Variants in ESCO1 observed in about 807,000 individuals in gnomAD.
ESCO1 encodes establishment of sister chromatid cohesion N-acetyltransferase 1.
ESCO1 carries 33 observed loss-of-function variants against 83.5 expected under a neutral mutation model. The ratio of observed to expected loss-of-function variants is 0.40; its 90% CI spans 0.30 to 0.53. The LOEUF (loss-of-function observed/expected upper bound fraction) is 0.53, where lower values mean the gene tolerates loss of function less well. ESCO1 is among the 20% of genes least tolerant of loss of function. The pLI is 0.63. For missense variants in ESCO1, 855 were observed against 968.0 expected (o/e 0.88, Z 1.55); for synonymous variants, 332 against 324.3 (o/e 1.02, Z -0.25).
chr18:21,579,691 G>T (rs2082076954), intron 2 of ESCO1, among the ~76,000 whole-genome samples: 1 of 150,420 alleles, frequency 6.6e-6, no homozygotes, highest in African/African-American at 2.4e-5. Flanking sequence ...AGAATTGCTT[G>T]AACCAAGGAG....
intron 1 of ESCO1, among the ~76,000 whole-genome samples, chr18:21,588,579 C>T (rs1468077173): frequency 1.3e-5 from 2 of 152,004 alleles, no homozygotes; most frequent in South Asian, 2.1e-4. Flanking sequence ...ACAGATTATA[C>T]AATATGTATA....
At position 21,574,305 on chromosome 18, in the gene ESCO1, A is replaced by C. The variant is rs774652361; in HGVS notation, c.539T>G (p.Leu180Arg). The C allele has an allele frequency of 3.7e-6, 6 of 1,613,638 alleles. No individual in the cohort carries two copies. The change falls in exon 4 of 12, where the codon CTG becomes CGG. Residue 180 changes from leucine (L) to arginine (R), a missense_variant. Leu to Arg is a moderately radical substitution (Grantham distance 102). This residue lies in a region of ESCO1 where 726 missense variants were observed against 699.5 expected (regional missense o/e 1.04). Transcript: ENST00000269214. ...TTCTTTAGAGTCAGACTTTACTTCC[A>C]GTACTTTTCTCTTCACATGTTTTTG... ...TSQKHVKRKVLEVKSDSKEDE... is the reference protein window; with the variant it reads ...TSQKHVKRKVREVKSDSKEDE...
intron 10 of ESCO1, among the ~76,000 whole-genome samples, chr18:21,534,898 A>G (rs779052453): frequency 1.3e-5 from 2 of 152,106 alleles, no homozygotes; most frequent in Non-Finnish European, 2.9e-5. Context: ...TGCTGGGATT[A>G]CAGGTCTGAG....
At position 21,574,874 on chromosome 18, in the gene ESCO1, TTTTG is replaced by T; in HGVS notation, c.-35_-32del. 1 of 1,523,458 alleles carries T rather than the reference TTTTG, an allele frequency of 6.6e-7. No homozygotes were observed. Among genetic ancestry groups the T allele is most frequent in the Non-Finnish European group, 8.7e-7 (1 of 1,146,816 alleles). The allele number at this position is 1,523,458 out of a possible 1,614,324, so 94.4% of individuals were successfully genotyped here. A position where few individuals can be genotyped will look rare whatever the true frequency, so the allele number is the denominator to read the frequency against. On this transcript the variant is annotated 5_prime_UTR_variant, in exon 4 of 12. Coordinates refer to ENST00000269214, the MANE Select transcript of ESCO1 (RefSeq NM_052911.3). ...AGTAATGACTTTCTTTTCTGAGTAG[TTTTG>T]AAGAGGATTTTTGTGTCCTGGTAGG...
At chr18:21,557,524 G>A (rs1345308112) in intron 8 of ESCO1, among the ~76,000 whole-genome samples, 1 of 152,138 alleles carries the variant, frequency 6.6e-6, no homozygotes, top group Non-Finnish European at 1.5e-5. Context: ...TGCTTTAATA[G>A]TTTCTTAGAT....
intron 2 of ESCO1, among the ~76,000 whole-genome samples, chr18:21,582,751 T>G (rs900357824): frequency 6.6e-6 from 1 of 152,254 alleles, no homozygotes; most frequent in Non-Finnish European, 1.5e-5. Context: ...ATATCATTTT[T>G]CACCTATCAA....
chr18:21,560,589 G>A (rs2038170325), intron 8 of ESCO1, among the ~76,000 whole-genome samples: 1 of 151,888 alleles, frequency 6.6e-6, no homozygotes, highest in Non-Finnish European at 1.5e-5. Flanking sequence ...AAGTTAAATA[G>A]CATTACTTCT....
chr18:21,536,473 C>T (rs1344343162), intron 9 of ESCO1, among the ~76,000 whole-genome samples: 1 of 151,912 alleles, frequency 6.6e-6, no homozygotes, highest in Non-Finnish European at 1.5e-5. Flanking sequence ...CGCCTGTAAT[C>T]CCAGCTACTC....
intron 2 of ESCO1, among the ~76,000 whole-genome samples, chr18:21,581,290 C>A (rs1209457033): frequency 5.9e-5 from 9 of 151,270 alleles, no homozygotes; most frequent in Non-Finnish European, 1.3e-4. Flanking sequence ...CACTGCACTC[C>A]AGCCTGGGCA....
At chr18:21,568,411 C>T (rs550847356) in intron 4 of ESCO1, among the ~76,000 whole-genome samples, 1 of 152,108 alleles carries the variant, frequency 6.6e-6, no homozygotes, top group East Asian at 1.9e-4. Flanking sequence ...CATAGTGACA[C>T]CCTATCTCAA....
intron 11 of ESCO1, 104 bp from the exon 12 acceptor site, chr18:21,530,594 T>TA (rs1285749885): frequency 5.2e-6 from 6 of 1,158,978 alleles, no homozygotes; most frequent in Non-Finnish European, 7.0e-6. Flanking sequence ...ACAATTTGAC[T>TA]AAAAAAGCTT....
chr18:21,550,870 T>G (rs1348300171), intron 8 of ESCO1, among the ~76,000 whole-genome samples: 1 of 152,092 alleles, frequency 6.6e-6, no homozygotes, highest in East Asian at 1.9e-4. Flanking sequence ...CCCAGTACTT[T>G]CGGAGGCCGA....
chr18:21,567,987 T>TTTA lies in ESCO1; in HGVS notation c.1635_1637dup (p.Asn545dup), dbSNP rs766708514. 1 of 1,608,872 alleles carries TTTA rather than the reference T, an allele frequency of 6.2e-7. No homozygotes were observed. The highest frequency in any genetic ancestry group is 8.5e-7 in the Non-Finnish European group (1 of 1,177,552). On this transcript the variant is annotated inframe_insertion, in exon 5 of 12. Coordinates refer to ENST00000269214, the MANE Select transcript of ESCO1 (RefSeq NM_052911.3). Reference sequence around the variant, plus strand: ...ATATTTCCAAAGTATTACCTGGAAATTTATTCTCTCCTGTATCAATTTTTG... The same window carrying TTTA: ...ATATTTCCAAAGTATTACCTGGAAATTTATTATTCTCTCCTGTATCAATTTTTG...
rs973644427 is a variant in ESCO1, at chr18:21,575,219, G to T, written c.-376C>A. 1.3e-5 allele frequency: 5 copies of T among 383,838 alleles called. No homozygotes were observed. The highest frequency in any genetic ancestry group is 4.5e-5 in the Admixed American group (1 of 22,232). 23.8% of individuals were successfully genotyped at this position (383,838 alleles called of 1,614,324 possible). On this transcript the variant is annotated 5_prime_UTR_variant, in exon 4 of 12. Coordinates refer to ENST00000269214, the MANE Select transcript of ESCO1 (RefSeq NM_052911.3). ...CAGGCCTAGCTCTATTACTGGAGGA[G>T]TTATTTATCAGTGACCTGTTTTGAT...
At chr18:21,550,936 C>A (rs1021126383) in intron 8 of ESCO1, among the ~76,000 whole-genome samples, 2 of 151,358 alleles carry the variant, frequency 1.3e-5, no homozygotes, top group Non-Finnish European at 2.9e-5. Flanking sequence ...CATGGTGAAA[C>A]CCCGCCTCTA....
chr18:21,596,105 T>C (rs1168051985), intron 1 of ESCO1, among the ~76,000 whole-genome samples: 4 of 151,962 alleles, frequency 2.6e-5, no homozygotes, highest in African/African-American at 4.8e-5. Context: ...AAACCTTTCC[T>C]GGGCCAGGGG....
chr18:21,531,361 A>G (rs984108459), intron 11 of ESCO1, among the ~76,000 whole-genome samples: 1 of 152,168 alleles, frequency 6.6e-6, no homozygotes, highest in African/African-American at 2.4e-5. Flanking sequence ...TCCTGAGCCC[A>G]GGATGTTGAG....
At chr18:21,532,698 A>G (rs1219805602) in intron 10 of ESCO1, 38 bp from the exon 11 acceptor site, 1 of 1,592,274 alleles carries the variant, frequency 6.3e-7, no homozygotes, top group Non-Finnish European at 8.6e-7. Context: ...TTTAAGTGAG[A>G]TTATTAATTA....
intron 8 of ESCO1, among the ~76,000 whole-genome samples, chr18:21,555,296 T>C (rs1457939888): frequency 1.3e-5 from 2 of 152,190 alleles, no homozygotes; most frequent in Non-Finnish European, 2.9e-5. Context: ...GCAGAATTTT[T>C]AGCACAGTGC....
Sources: allele counts gnomAD v4.1 joint callset (sites outside exome capture counted in the v4.1 genomes callset), GRCh38; gene constraint gnomAD v4.1.1; regional missense constraint gnomAD v4.1.1; transcripts MANE v1.5; gene names NCBI Gene and HGNC (gene_info 2026-07-23, HGNC 2026-07-21).